The following ERC2 variants were observed in gnomAD, a reference collection of about 807,000 sequenced individuals.
The protein encoded by ERC2 is ERC protein 2.
ERC2 carries 42 observed loss-of-function variants against 114.8 expected under a neutral mutation model. The ratio of observed to expected loss-of-function variants is 0.37; its 90% CI spans 0.29 to 0.47. The LOEUF (loss-of-function observed/expected upper bound fraction) is 0.47. Ranked by LOEUF, ERC2 falls within the 20% of genes least tolerant of loss-of-function variation. The probability of loss-of-function intolerance (pLI) is 0.99; values close to 1 mark genes in which losing one functional copy is unlikely to be tolerated. For missense variants in ERC2, 939 were observed against 1,150.7 expected (o/e 0.82, Z 2.66); for synonymous variants, 454 against 425.5 (o/e 1.07, Z -0.82).
chr3:56,309,893 G>T (rs908953657), intron 2 of ERC2, among the ~76,000 whole-genome samples: 1 of 152,124 alleles, frequency 6.6e-6, no homozygotes, highest in African/African-American at 2.4e-5. Flanking sequence ...GAAAAGAAAC[G>T]GGCATAATGA....
intron 2 of ERC2, among the ~76,000 whole-genome samples, chr3:56,318,326 C>A (rs1365933340): frequency 1.3e-5 from 2 of 152,040 alleles, no homozygotes; most frequent in African/African-American, 4.8e-5. Flanking sequence ...CAGGCATGTG[C>A]CACCATGCCG....
chr3:56,131,823 C>G (rs1300159887), intron 6 of ERC2, among the ~76,000 whole-genome samples: 2 of 152,098 alleles, frequency 1.3e-5, no homozygotes, highest in African/African-American at 4.8e-5. Flanking sequence ...TACTTTCAAA[C>G]AGCTAGAGAG....
chr3:55,791,165 G>A (rs2069982481), intron 14 of ERC2, among the ~76,000 whole-genome samples: 1 of 152,224 alleles, frequency 6.6e-6, no homozygotes, highest in Non-Finnish European at 1.5e-5. Context: ...ACAAGCACTT[G>A]TGGTGGGAAG....
intron 3 of ERC2, among the ~76,000 whole-genome samples, chr3:56,234,692 T>C (rs2050830943): frequency 6.6e-6 from 1 of 152,166 alleles, no homozygotes; most frequent in East Asian, 1.9e-4. Context: ...GGGGCCAGCA[T>C]CTGGTGAGAG....
intron 6 of ERC2, among the ~76,000 whole-genome samples, chr3:56,089,619 G>A (rs561418392): frequency 2.2e-4 from 33 of 151,678 alleles, no homozygotes; most frequent in African/African-American, 7.5e-4. Context: ...ATCTCAATGA[G>A]GATTAGCCAT....
At chr3:55,700,927 G>A (rs574661315) in intron 15 of ERC2, among the ~76,000 whole-genome samples, 2 of 152,260 alleles carry the variant, frequency 1.3e-5, no homozygotes, top group African/African-American at 4.8e-5. Context: ...CCATGATTTT[G>A]AGGGATGCTG....
chr3:55,689,478 C>G (rs2062518200), intron 16 of ERC2, among the ~76,000 whole-genome samples: 1 of 152,138 alleles, frequency 6.6e-6, no homozygotes, highest in Non-Finnish European at 1.5e-5. Context: ...AAAAGCGGAA[C>G]CATTGCCAGA....
At chr3:55,955,137 G>A (rs770164252) in intron 12 of ERC2, 45 of 515,574 alleles carry the variant, frequency 8.7e-5, no homozygotes, top group Non-Finnish European at 1.2e-4. Context: ...GCATATGAAC[G>A]GAAACTCCTG....
chr3:56,306,311 A>G (rs1264070769), intron 2 of ERC2, among the ~76,000 whole-genome samples: 1 of 152,232 alleles, frequency 6.6e-6, no homozygotes, highest in Admixed American at 6.5e-5. Context: ...ACAGACACAT[A>G]CAAGAACATT....
At chr3:56,242,040 C>A (rs543727017) in intron 3 of ERC2, among the ~76,000 whole-genome samples, 1 of 152,212 alleles carries the variant, frequency 6.6e-6, no homozygotes, top group African/African-American at 2.4e-5. Context: ...GTTTGCTGAA[C>A]AATTCACAAT....
chr3:55,700,722 A>T (rs189399819), intron 15 of ERC2, among the ~76,000 whole-genome samples: 90 of 152,012 alleles, frequency 5.9e-4, no homozygotes, highest in African/African-American at 2.0e-3. Flanking sequence ...CCTTTTCCTC[A>T]CCCTGTCCTG....
At chr3:55,767,547 C>T (rs1176716627) in intron 14 of ERC2, among the ~76,000 whole-genome samples, 2 of 152,148 alleles carry the variant, frequency 1.3e-5, no homozygotes, top group Admixed American at 6.5e-5. Flanking sequence ...GCTTTAATTC[C>T]CAGGAGGCAA....
At position 55,713,945 on chromosome 3, in the gene ERC2, A is replaced by G. The variant is rs545227217; in HGVS notation, c.2713-14433T>C. Among the ~76,000 whole-genome samples, 6 of 152,272 alleles carry G rather than the reference A, an allele frequency of 3.9e-5. No homozygotes were observed. The South Asian group carries it at 1.2e-3, about 32-fold the overall frequency. On this transcript the variant is annotated intron_variant, in intron 15 of 17. Transcript: ENST00000288221. ...ATTCCCTTGACTTGTCTTTCTATCA[A>G]CCTTATCAAAAACCAAAGTGACGTT... is the stretch of plus-strand genomic sequence containing the variant.
At chr3:56,106,562 G>A (rs1418687015) in intron 6 of ERC2, among the ~76,000 whole-genome samples, 1 of 152,126 alleles carries the variant, frequency 6.6e-6, no homozygotes, top group Admixed American at 6.5e-5. Context: ...CATAAAAATA[G>A]CCCAGAGGTT....
At chr3:55,946,088 A>T (rs915349772) in intron 13 of ERC2, among the ~76,000 whole-genome samples, 3 of 151,622 alleles carry the variant, frequency 2.0e-5, no homozygotes, top group Non-Finnish European at 4.4e-5. Context: ...AAATAAAAAT[A>T]AAAAAATAAA....
At chr3:55,635,857 TTTTTATTTTA>T (rs200062457) in intron 17 of ERC2, among the ~76,000 whole-genome samples, 69 of 151,056 alleles carry the variant, frequency 4.6e-4, no homozygotes, top group Non-Finnish European at 6.9e-4. Context: ...TTAATTTTTA[TTTTTATTTTA>T]TTTTATTTTA....
chr3:55,638,499 G>C (rs2060046366), intron 17 of ERC2, among the ~76,000 whole-genome samples: 1 of 152,012 alleles, frequency 6.6e-6, no homozygotes, highest in South Asian at 2.1e-4. Context: ...AGCTAATGGT[G>C]GTTCTTAATA....
intron 3 of ERC2, among the ~76,000 whole-genome samples, chr3:56,232,827 A>G (rs748527125): frequency 5.9e-5 from 9 of 152,204 alleles, no homozygotes; most frequent in Non-Finnish European, 1.3e-4. Context: ...ACACACTAGA[A>G]TTCTTCAGTT....
At position 56,034,614 on chromosome 3, in the gene ERC2, T is replaced by C. The variant is rs188349915; in HGVS notation, c.1642-15583A>G. Among the ~76,000 whole-genome samples the C allele has an allele frequency of 4.7e-3, 711 of 152,220 alleles. 4 individuals are homozygous for C. The highest frequency in any genetic ancestry group is 7.6e-3 in the Non-Finnish European group (514 of 67,996). On this transcript the variant is annotated intron_variant, in intron 7 of 17. Coordinates refer to ENST00000288221, the MANE Select transcript of ERC2 (RefSeq NM_015576.3). ...AAACAGTCTTGAAAATTTAAGAAGA[T>C]TGAAATCATATCAAGTATCTTTTCC...
Sources: gnomAD v4.1 joint callset for allele counts (sites outside exome capture counted in the v4.1 genomes callset) on GRCh38, gnomAD v4.1.1 for gene constraint, MANE v1.5 for transcripts, NCBI Gene and HGNC (gene_info 2026-07-23, HGNC 2026-07-21) for gene names.